Variants in VPS13B observed in about 807,000 individuals in gnomAD.
VPS13B encodes the protein intermembrane lipid transfer protein VPS13B.
In VPS13B, 285 loss-of-function variants were observed where a neutral mutation model predicts 426.4. The observed-to-expected ratio is 0.67, with a 90% confidence interval of 0.61 to 0.74. VPS13B has a LOEUF of 0.74. VPS13B is among the 30% of genes least tolerant of loss of function. The pLI, the probability that VPS13B is intolerant of heterozygous loss-of-function variation, is 0.00. For missense variants in VPS13B, 4,537 were observed against 4,782.6 expected, an observed-to-expected ratio of 0.95 and a Z score of 1.51; for synonymous variants, 1,676 against 1,676.4, an observed-to-expected ratio of 1.00 and a Z score of 0.01.
intron 17 of VPS13B, among the ~76,000 whole-genome samples, chr8:99,215,092 TC>T (rs1162944459): frequency 6.6e-6 from 1 of 152,210 alleles, no homozygotes; most frequent in Non-Finnish European, 1.5e-5. Context: ...CTGATTTTTT[TC>T]CCTGCTGTAT....
rs530831928 is a variant in VPS13B at position 99,253,099 on chromosome 8, T to C, written c.2516-21099T>C. 2.0e-5 allele frequency among the ~76,000 whole-genome samples: 3 copies of C among 152,298 alleles called. No individual in the cohort carries two copies. The East Asian group carries it at 5.8e-4, about 29-fold the overall frequency. ...ATGGAATCGTGGAATATGTAATCTT[T>C]TGTATCTGGTTTATTTCACTAAGCA... On this transcript the variant is annotated intron_variant, in intron 17 of 61. Transcript: ENST00000357162.
At chr8:99,037,795 A>C (rs1166673221) in intron 2 of VPS13B, among the ~76,000 whole-genome samples, 1 of 151,916 alleles carries the variant, frequency 6.6e-6, no homozygotes, top group Non-Finnish European at 1.5e-5. Context: ...ATTTATGACC[A>C]AGTAGTATCC....
intron 16 of VPS13B, 101 bp from the exon 17 acceptor site, chr8:99,192,775 G>T: frequency 8.1e-7 from 1 of 1,235,442 alleles, no homozygotes; most frequent in South Asian, 1.3e-5. Flanking sequence ...TACATACTTT[G>T]GATGTATACC....
intron 16 of VPS13B, among the ~76,000 whole-genome samples, chr8:99,174,805 T>G (rs1812541083): frequency 6.6e-6 from 1 of 152,170 alleles, no homozygotes; most frequent in Admixed American, 6.5e-5. Flanking sequence ...TTCTCTTAAT[T>G]AAGGGAATTT....
chr8:99,768,984 C>T (rs1427816370), intron 40 of VPS13B, among the ~76,000 whole-genome samples: 8 of 152,070 alleles, frequency 5.3e-5, no homozygotes, highest in African/African-American at 1.7e-4. Flanking sequence ...TTTTCACCAT[C>T]GAAAGAAGCA....
chr8:99,144,707 G>T (rs1442216914), intron 13 of VPS13B, among the ~76,000 whole-genome samples: 1 of 152,170 alleles, frequency 6.6e-6, no homozygotes, highest in Non-Finnish European at 1.5e-5. Context: ...TTACTTGAAT[G>T]CCTACCCTGT....
chr8:99,636,785 T>C (rs1384470846), intron 33 of VPS13B, among the ~76,000 whole-genome samples: 1 of 152,060 alleles, frequency 6.6e-6, no homozygotes, highest in Non-Finnish European at 1.5e-5. Context: ...TTCGATACAG[T>C]AATATGCATT....
intron 23 of VPS13B, among the ~76,000 whole-genome samples, chr8:99,461,959 G>T (rs1777393952): frequency 6.6e-6 from 1 of 152,078 alleles, no homozygotes; most frequent in South Asian, 2.1e-4. Flanking sequence ...CTAGATCCTA[G>T]AATGAGGTCA....
chr8:99,129,280 A>T (rs1020257212), intron 8 of VPS13B, among the ~76,000 whole-genome samples: 1 of 151,684 alleles, frequency 6.6e-6, no homozygotes, highest in Non-Finnish European at 1.5e-5. Flanking sequence ...ATAAAATAAG[A>T]TATTAAAAAA....
chr8:99,393,363 ATTGT>A (rs1280052810), intron 21 of VPS13B, among the ~76,000 whole-genome samples: 7 of 152,060 alleles, frequency 4.6e-5, no homozygotes, highest in South Asian at 2.1e-4. Context: ...GAAATTAATA[ATTGT>A]TAGTGAGGGA....
At chr8:99,685,492 G>T (rs1315748470) in intron 35 of VPS13B, among the ~76,000 whole-genome samples, 1 of 152,082 alleles carries the variant, frequency 6.6e-6, no homozygotes, top group Admixed American at 6.5e-5. Flanking sequence ...TAATATTGAG[G>T]TCTCCAGTTC....
chr8:99,398,675 C>G (rs1814869738), intron 21 of VPS13B, among the ~76,000 whole-genome samples: 1 of 152,044 alleles, frequency 6.6e-6, no homozygotes, highest in African/African-American at 2.4e-5. Context: ...GATATAAAAC[C>G]CATGCACAGA....
chr8:99,234,087 C>T (rs1816506736), intron 17 of VPS13B: 2 of 785,916 alleles, frequency 2.5e-6, no homozygotes, highest in Non-Finnish European at 2.3e-6. Context: ...GAGAAGAGCC[C>T]CCAGGGCGTG....
In VPS13B at chr8:99,875,797, A is replaced by C; in HGVS notation, c.*131A>C. Reference sequence around the variant, plus strand: ...AGCAATCCTCCCACCTCAACCCACAAGTAGCTACGACTGCAAGCACCTGCC... The same window carrying C: ...AGCAATCCTCCCACCTCAACCCACACGTAGCTACGACTGCAAGCACCTGCC... On this transcript the variant is annotated 3_prime_UTR_variant, in exon 62 of 62. Transcript: ENST00000357162. 1 of 1,220,980 alleles carries C rather than the reference A, an allele frequency of 8.2e-7. No individual in the cohort carries two copies. The highest frequency in any genetic ancestry group is 2.0e-5 in the Admixed American group (1 of 51,188). 75.6% of individuals were successfully genotyped at this position (1,220,980 alleles called of 1,614,324 possible). A position where few individuals can be genotyped will look rare whatever the true frequency, so the allele number is the denominator to read the frequency against.
intron 33 of VPS13B, among the ~76,000 whole-genome samples, chr8:99,596,515 C>T (rs1563816209): frequency 6.6e-6 from 1 of 151,964 alleles, no homozygotes; most frequent in East Asian, 1.9e-4. Context: ...TGTCTCCTCT[C>T]TTGTTGTTAA....
chr8:99,067,252 G>C (rs1443881582), intron 3 of VPS13B, among the ~76,000 whole-genome samples: 1 of 152,098 alleles, frequency 6.6e-6, no homozygotes, highest in African/African-American at 2.4e-5. Flanking sequence ...CCAAATGTCT[G>C]TCAATGATAG....
intron 21 of VPS13B, among the ~76,000 whole-genome samples, chr8:99,418,511 C>A (rs1816184642): frequency 8.5e-6 from 1 of 117,938 alleles, no homozygotes; most frequent in Non-Finnish European, 1.8e-5. Flanking sequence ...TTCTTTCTTT[C>A]TTTCCTTTCT....
At chr8:99,701,480 G>T (rs1031342985) in intron 36 of VPS13B, among the ~76,000 whole-genome samples, 3 of 151,788 alleles carry the variant, frequency 2.0e-5, no homozygotes, top group Admixed American at 6.6e-5. Flanking sequence ...GTCTGTCTTT[G>T]GGAAACACCT....
At chr8:99,488,484 G>A (rs1174472246) in intron 25 of VPS13B, among the ~76,000 whole-genome samples, 1 of 151,838 alleles carries the variant, frequency 6.6e-6, no homozygotes, top group East Asian at 1.9e-4. Context: ...CCTTTTCTCA[G>A]TCTTAACAAT....
Sources: gnomAD v4.1 joint callset for allele counts (sites outside exome capture counted in the v4.1 genomes callset) on GRCh38, gnomAD v4.1.1 for gene constraint, MANE v1.5 for transcripts, NCBI Gene and HGNC (gene_info 2026-07-23, HGNC 2026-07-21) for gene names.